Variants in CLIP2 observed in about 807,000 individuals in gnomAD.
The protein encoded by CLIP2 is CAP-Gly domain containing linker protein 2.
In CLIP2, 41 loss-of-function variants were observed where a neutral mutation model predicts 111.7. That is an observed-to-expected ratio of 0.37 (90% CI 0.29 to 0.48). The LOEUF (loss-of-function observed/expected upper bound fraction) is 0.48. CLIP2 is among the 20% of genes least tolerant of loss of function. The pLI, the probability that CLIP2 is intolerant of heterozygous loss-of-function variation, is 0.99. For missense variants in CLIP2, 1,160 were observed against 1,422.1 expected (o/e 0.82, Z 2.96); for synonymous variants, 660 against 644.2 (o/e 1.02, Z -0.37).
intron 2 of CLIP2, among the ~76,000 whole-genome samples, chr7:74,321,986 C>CTTTTT (rs34549907): frequency 8.0e-6 from 1 of 125,426 alleles, no homozygotes; most frequent in Non-Finnish European, 1.6e-5. Flanking sequence ...TTTATTTTTC[C>CTTTTT]TTTTTTTTTT....
At chr7:74,348,734 G>C (rs1789882152) in intron 3 of CLIP2, among the ~76,000 whole-genome samples, 1 of 148,052 alleles carries the variant, frequency 6.8e-6, no homozygotes, top group African/African-American at 2.5e-5. Flanking sequence ...AGGTTGCAGT[G>C]AGCCGAGATT....
chr7:74,393,435 C>G (rs1459798514), intron 13 of CLIP2, among the ~76,000 whole-genome samples: 1 of 151,786 alleles, frequency 6.6e-6, no homozygotes, highest in Non-Finnish European at 1.5e-5. Flanking sequence ...CTCCTAGGTT[C>G]AAGTGATTCT....
Position 74,336,785 on chromosome 7 carries a change from T to C in CLIP2, c.122-1663T>C, listed in dbSNP as rs139220769. The stretch of plus-strand genomic sequence containing the variant: ...GAAATGGGGGCAATTGGGGATCAGA[T>C]GAGCTATCGTATGTTAAGCTCTTAG... On this transcript the variant is annotated intron_variant, in intron 2 of 16. Coordinates refer to ENST00000223398, the MANE Select transcript of CLIP2 (RefSeq NM_003388.5). Among the ~76,000 whole-genome samples the C allele has an allele frequency of 1.9e-3, 290 of 152,100 alleles. 1 individual carries two copies. Among genetic ancestry groups the C allele is most frequent in the African/African-American group, 6.6e-3 (273 of 41,488 alleles).
In CLIP2 at chr7:74,405,508, G is replaced by C. The variant is rs545270107; in HGVS notation, c.*1660G>C. ...TCGGGGAGTCACAGTCAGTCCCCCC[G>C]GCCCCCCTCCCAGTCCCTGTTGGCT... On this transcript the variant is annotated 3_prime_UTR_variant, in exon 17 of 17. Transcript: ENST00000223398. The C allele has an allele frequency of 6.5e-6, 1 of 152,758 alleles. No homozygotes were observed. Among genetic ancestry groups the C allele is most frequent in the Non-Finnish European group, 1.5e-5 (1 of 68,262 alleles). 9.5% of individuals were successfully genotyped at this position (152,758 alleles called of 1,614,324 possible).
At chr7:74,389,350 G>A in intron 13 of CLIP2, 91 bp downstream of exon 13, 1 of 1,344,232 alleles carries the variant, frequency 7.4e-7, no homozygotes, top group Non-Finnish European at 9.9e-7. Flanking sequence ...TTGGGGCAGA[G>A]AGGGGGATAG....
chr7:74,348,365 C>T (rs1789863336), intron 3 of CLIP2, among the ~76,000 whole-genome samples: 1 of 152,056 alleles, frequency 6.6e-6, no homozygotes, highest in African/African-American at 2.4e-5. Flanking sequence ...CATCAAAGCA[C>T]CTCATTGTGG....
At chr7:74,363,918 G>GAGGA (rs148403100) in intron 7 of CLIP2, among the ~76,000 whole-genome samples, 27 of 149,752 alleles carry the variant, frequency 1.8e-4, no homozygotes, top group Middle Eastern at 3.4e-3. Context: ...AAAAGGGAGG[G>GAGGA]AGGAAGGAAG....
chr7:74,364,096 G>A (rs978020613), intron 7 of CLIP2, among the ~76,000 whole-genome samples, 159 bp from the exon 8 acceptor site: 16 of 152,186 alleles, frequency 1.1e-4, no homozygotes, highest in African/African-American at 3.6e-4. Flanking sequence ...CAGCAGGTTG[G>A]GAGGTCTAGA....
intron 1 of CLIP2, among the ~76,000 whole-genome samples, chr7:74,299,685 C>T (rs536100600): frequency 3.3e-5 from 5 of 151,188 alleles, no homozygotes; most frequent in Middle Eastern, 3.5e-3. Context: ...GGTGCTGACT[C>T]GAGGCCCTTC....
intron 2 of CLIP2, among the ~76,000 whole-genome samples, chr7:74,330,501 C>A (rs1269544981): frequency 1.3e-5 from 2 of 152,090 alleles, no homozygotes; most frequent in Non-Finnish European, 2.9e-5. Context: ...AGGTGATCCG[C>A]CTGCCTTGGT....
At chr7:74,401,436 C>A in intron 15 of CLIP2, 69 bp from the exon 16 acceptor site, 2 of 1,479,874 alleles carry the variant, frequency 1.4e-6, no homozygotes, top group Non-Finnish European at 1.9e-6. Context: ...GAAGACCTCG[C>A]CATCTAGTGG....
intron 11 of CLIP2, chr7:74,381,446 C>T (rs773102763): frequency 3.9e-5 from 13 of 332,968 alleles, no homozygotes; most frequent in East Asian, 9.0e-5. Flanking sequence ...CTTGGCCTCC[C>T]GAAGTGTTGG....
chr7:74,373,184 A>G, intron 9 of CLIP2, 148 bp downstream of exon 9: 1 of 602,166 alleles, frequency 1.7e-6, no homozygotes, highest in Non-Finnish European at 2.9e-6. Flanking sequence ...CCCTTGGAGG[A>G]GGGAAGTCAA....
intron 8 of CLIP2, among the ~76,000 whole-genome samples, chr7:74,372,177 C>A (rs1790644014): frequency 6.6e-6 from 1 of 152,076 alleles, no homozygotes; most frequent in Non-Finnish European, 1.5e-5. Flanking sequence ...CCTTTGTCAG[C>A]AGATGAAGCA....
chr7:74,313,510 A>G (rs1554728776), intron 1 of CLIP2, among the ~76,000 whole-genome samples: 1 of 151,462 alleles, frequency 6.6e-6, no homozygotes, highest in East Asian at 1.9e-4. Flanking sequence ...CAGTGAGCCG[A>G]GATTGCGCCA....
At chr7:74,349,145 A>G (rs1789897496) in intron 3 of CLIP2, among the ~76,000 whole-genome samples, 2 of 150,048 alleles carry the variant, frequency 1.3e-5, no homozygotes, top group South Asian at 4.3e-4. Context: ...AAACGAATGA[A>G]GTACTGGTCG....
chr7:74,305,228 G>C (rs1470251057), intron 1 of CLIP2, among the ~76,000 whole-genome samples: 1 of 144,496 alleles, frequency 6.9e-6, no homozygotes, highest in Non-Finnish European at 1.5e-5. Flanking sequence ...GGCATTGCCA[G>C]GCCTTTTGAC....
intron 3 of CLIP2, among the ~76,000 whole-genome samples, chr7:74,353,648 G>A (rs1790071547): frequency 2.0e-5 from 3 of 152,212 alleles, no homozygotes; most frequent in Admixed American, 2.0e-4. Flanking sequence ...TTGAATGCAG[G>A]TCTGTGTGTC....
At position 74,291,886 on chromosome 7, in the gene CLIP2, C is replaced by T. The variant is rs747788323; in HGVS notation, c.-68+2152C>T. Reference sequence around the variant, plus strand: ...TCCCCCAGTTCCCTCTTGGCCTCCCCTCCTGGCCCTGCCACCCTGACAGTT... The same window carrying T: ...TCCCCCAGTTCCCTCTTGGCCTCCCTTCCTGGCCCTGCCACCCTGACAGTT... On this transcript the variant is annotated intron_variant, in intron 1 of 16. Transcript: ENST00000223398. Among the ~76,000 whole-genome samples, 2 of 152,052 alleles carry T rather than the reference C, an allele frequency of 1.3e-5. 1 individual carries two copies.
Sources: allele counts gnomAD v4.1 joint callset (sites outside exome capture counted in the v4.1 genomes callset), GRCh38; gene constraint gnomAD v4.1.1; transcripts MANE v1.5; gene names NCBI Gene and HGNC (gene_info 2026-07-23, HGNC 2026-07-21).